The following NRG1 variants were observed in gnomAD, a reference collection of about 807,000 sequenced individuals.
NRG1 encodes neuregulin 1, also known as pro-neuregulin-1, membrane-bound isoform.
Under a neutral mutation model 63.8 loss-of-function variants are expected in NRG1, and 18 were observed. That is an observed-to-expected ratio of 0.28 (90% confidence interval 0.19 to 0.42). The LOEUF is 0.42. Among genes scored for constraint, NRG1 ranks in the 10% least tolerant of loss-of-function variants. The pLI is 1.00. For missense variants in NRG1, 762 were observed against 814.7 expected (o/e 0.94, Z 0.79); for synonymous variants, 302 against 301.3 (o/e 1.00, Z -0.02).
chr8:31,803,385 T>C (rs946335552), intron 1 of NRG1, among the ~76,000 whole-genome samples: 1 of 152,174 alleles, frequency 6.6e-6, no homozygotes, highest in African/African-American at 2.4e-5. Flanking sequence ...AGAGAGCTGG[T>C]AGTGGAATCC....
chr8:32,492,140 AT>A (rs1003498993), intron 1 of NRG1, among the ~76,000 whole-genome samples: 4 of 151,740 alleles, frequency 2.6e-5, no homozygotes, highest in Admixed American at 6.6e-5. Flanking sequence ...AAAAAAAAAC[AT>A]TTTTTTCCCA....
At chr8:32,395,834 AT>A (rs1260108221) in intron 1 of NRG1, among the ~76,000 whole-genome samples, 4 of 151,846 alleles carry the variant, frequency 2.6e-5, no homozygotes, top group Admixed American at 2.6e-4. Flanking sequence ...ATTTTCTCCT[AT>A]TTTTTTCTAG....
intron 1 of NRG1, among the ~76,000 whole-genome samples, chr8:31,685,402 T>G (rs921889102): frequency 5.3e-5 from 8 of 152,158 alleles, no homozygotes; most frequent in African/African-American, 1.9e-4. Context: ...GTAATAAACA[T>G]ATTTTGGTTA....
At chr8:32,149,297 C>G (rs1368774624) in intron 1 of NRG1, among the ~76,000 whole-genome samples, 1 of 152,192 alleles carries the variant, frequency 6.6e-6, no homozygotes, top group Non-Finnish European at 1.5e-5. Flanking sequence ...ACAATTTTCT[C>G]TATTTGGAGT....
intron 1 of NRG1, among the ~76,000 whole-genome samples, chr8:32,562,720 G>A (rs1216781341): frequency 6.6e-6 from 1 of 152,132 alleles, no homozygotes; most frequent in South Asian, 2.1e-4. Flanking sequence ...ATCATGAGTA[G>A]CTGTCTCTTG....
At chr8:32,588,958 G>A (rs1025453651) in intron 1 of NRG1, among the ~76,000 whole-genome samples, 1 of 152,150 alleles carries the variant, frequency 6.6e-6, no homozygotes, top group Non-Finnish European at 1.5e-5. Context: ...GATTCAGCTA[G>A]AGCACAGGGC....
intron 1 of NRG1, among the ~76,000 whole-genome samples, chr8:31,959,977 G>C (rs71523448): frequency 0.052 from 7,965 of 151,982 alleles, 326 homozygotes; most frequent in Non-Finnish European, 0.081. Context: ...TACCATTTTC[G>C]AGTATGCAGT....
intron 1 of NRG1, among the ~76,000 whole-genome samples, chr8:32,223,545 C>T (rs1846034390): frequency 6.6e-6 from 1 of 152,116 alleles, no homozygotes; most frequent in South Asian, 2.1e-4. Context: ...TGACCTCTCT[C>T]TCCAGATTTT....
intron 1 of NRG1, among the ~76,000 whole-genome samples, chr8:31,911,871 C>A (rs977933047): frequency 2.0e-5 from 3 of 152,090 alleles, no homozygotes; most frequent in African/African-American, 7.2e-5. Context: ...TTTTAGAGTT[C>A]AGTAATGGAT....
intron 1 of NRG1, among the ~76,000 whole-genome samples, chr8:32,477,545 TG>T: frequency 6.6e-6 from 1 of 152,340 alleles, no homozygotes; most frequent in African/African-American, 2.4e-5. Flanking sequence ...CATTGGGATA[TG>T]GCCCCTTGTT....
At chr8:32,025,916 G>C (rs1362886818) in intron 1 of NRG1, among the ~76,000 whole-genome samples, 43 of 146,526 alleles carry the variant, frequency 2.9e-4, no homozygotes, top group Non-Finnish European at 1.5e-5. Context: ...GCTGCATTAC[G>C]GCCTGGCCGA....
At chr8:31,824,161 TC>T (rs1563447022) in intron 1 of NRG1, among the ~76,000 whole-genome samples, 1 of 126,200 alleles carries the variant, frequency 7.9e-6, no homozygotes, top group Non-Finnish European at 1.7e-5. Context: ...ATGCTATCCT[TC>T]CCCCCTCCCC....
At chr8:32,360,321 C>G (rs1440739249) in intron 1 of NRG1, among the ~76,000 whole-genome samples, 1 of 152,028 alleles carries the variant, frequency 6.6e-6, no homozygotes, top group Non-Finnish European at 1.5e-5. Context: ...AGCTGTGAAG[C>G]TGAAAGAAGT....
chr8:32,408,348 C>T (rs995262531), intron 1 of NRG1, among the ~76,000 whole-genome samples: 4 of 152,030 alleles, frequency 2.6e-5, no homozygotes, highest in African/African-American at 7.2e-5. Context: ...GCCAGCTGGC[C>T]GAGATGTGCA....
At chr8:31,832,358 C>G (rs562517079) in intron 1 of NRG1, among the ~76,000 whole-genome samples, 46 of 151,170 alleles carry the variant, frequency 3.0e-4, no homozygotes, top group African/African-American at 1.1e-3. Context: ...TCCCCATGCT[C>G]AGGTGATCCT....
chr8:32,514,594 T>C (rs1829596562), intron 1 of NRG1, among the ~76,000 whole-genome samples: 1 of 152,156 alleles, frequency 6.6e-6, no homozygotes, highest in African/African-American at 2.4e-5. Context: ...TTTCAAATAT[T>C]ACCAAATGCA....
intron 1 of NRG1, among the ~76,000 whole-genome samples, chr8:32,094,246 A>C (rs551144629): frequency 1.3e-5 from 2 of 152,302 alleles, no homozygotes; most frequent in African/African-American, 4.8e-5. Context: ...CCCCTGAATT[A>C]ACAGAACCCT....
At chr8:31,659,337 A>T (rs1436399450) in intron 1 of NRG1, among the ~76,000 whole-genome samples, 1 of 152,190 alleles carries the variant, frequency 6.6e-6, no homozygotes, top group Non-Finnish European at 1.5e-5. Flanking sequence ...ACCTTTCTGA[A>T]TGGACTTTGG....
intron 1 of NRG1, among the ~76,000 whole-genome samples, chr8:31,796,285 A>C (rs1204017626): frequency 6.6e-6 from 1 of 151,882 alleles, no homozygotes; most frequent in East Asian, 1.9e-4. Flanking sequence ...TGTTTTACTC[A>C]GGCTATTCTG....
Sources: gnomAD v4.1 joint callset for allele counts (sites outside exome capture counted in the v4.1 genomes callset) on GRCh38, gnomAD v4.1.1 for gene constraint, MANE v1.5 for transcripts, NCBI Gene and HGNC (gene_info 2026-07-23, HGNC 2026-07-21) for gene names.